RAB38: variants seen among roughly 807,000 people sequenced by gnomAD.
RAB38 encodes ras-related protein Rab-38.
RAB38 carries 15 observed loss-of-function variants against 18.4 expected under a neutral mutation model. The ratio of observed to expected loss-of-function variants is 0.82; its 90% CI spans 0.55 to 1.26. RAB38 has a LOEUF of 1.26. Among genes scored for constraint, RAB38 ranks in the 50% most tolerant of loss-of-function variants. The probability of loss-of-function intolerance (pLI) is 0.00; values close to 1 mark genes in which losing one functional copy is unlikely to be tolerated. For missense variants in RAB38, 294 were observed against 267.4 expected (o/e 1.10, Z -0.69); for synonymous variants, 101 against 104.4 (o/e 0.97, Z 0.20).
the RAB38 span, among the ~76,000 whole-genome samples, chr11:87,917,602 C>A: frequency 7.3e-6 from 1 of 136,992 alleles, no homozygotes; most frequent in African/African-American, 2.7e-5. Flanking sequence ...TCTTAAAATG[C>A]ATGCTGCATT....
At chr11:87,907,518 G>C in the RAB38 span, among the ~76,000 whole-genome samples, 2 of 151,282 alleles carry the variant, frequency 1.3e-5, no homozygotes, top group African/African-American at 4.8e-5. Context: ...GTTGTTTTTA[G>C]TTTTAAAAGT....
At chr11:88,140,287 A>G (rs1942891652) in intron 2 of RAB38, among the ~76,000 whole-genome samples, 1 of 152,170 alleles carries the variant, frequency 6.6e-6, no homozygotes, top group African/African-American at 2.4e-5. Context: ...GAGTTACATA[A>G]TGTGGGGTCC....
chr11:88,147,037 C>A (rs1441308100), intron 2 of RAB38, among the ~76,000 whole-genome samples: 8 of 152,182 alleles, frequency 5.3e-5, no homozygotes, highest in Admixed American at 5.2e-4. Flanking sequence ...CAAGGAACGT[C>A]AGAGTGAGGT....
the RAB38 span, among the ~76,000 whole-genome samples, chr11:88,085,717 T>A: frequency 7.9e-5 from 12 of 151,984 alleles, no homozygotes; most frequent in African/African-American, 2.7e-4. Flanking sequence ...AGACACACAT[T>A]TGTTGATGTG....
At chr11:88,087,993 C>A in the RAB38 span, among the ~76,000 whole-genome samples, 1 of 151,886 alleles carries the variant, frequency 6.6e-6, no homozygotes, top group Non-Finnish European at 1.5e-5. Flanking sequence ...GGTCCATCTT[C>A]CGTAACAGCT....
chr11:88,083,014 T>C, the RAB38 span, among the ~76,000 whole-genome samples: 4 of 151,902 alleles, frequency 2.6e-5, no homozygotes, highest in Non-Finnish European at 4.4e-5. Context: ...TTTAGTAATA[T>C]TGGTCACTTC....
the RAB38 span, among the ~76,000 whole-genome samples, chr11:88,085,796 C>T: frequency 1.3e-5 from 2 of 151,910 alleles, no homozygotes; most frequent in African/African-American, 4.8e-5. Flanking sequence ...ATAAGGCGTA[C>T]AAAGCCTGAA....
the RAB38 span, among the ~76,000 whole-genome samples, chr11:88,075,701 T>G: frequency 6.6e-6 from 1 of 152,116 alleles, no homozygotes; most frequent in Middle Eastern, 3.4e-3. Context: ...GGCAACATGG[T>G]TAAACCCCAG....
the RAB38 span, among the ~76,000 whole-genome samples, chr11:87,967,196 G>T: frequency 2.0e-5 from 3 of 152,236 alleles, no homozygotes; most frequent in Admixed American, 1.3e-4. Flanking sequence ...AGAAGCATTT[G>T]TATCTAAATT....
intron 1 of RAB38, among the ~76,000 whole-genome samples, chr11:88,159,614 A>G (rs1009448998): frequency 1.3e-5 from 2 of 151,998 alleles, no homozygotes; most frequent in African/African-American, 2.4e-5. Context: ...CAGCATGGTA[A>G]TATTACAAAA....
the RAB38 span, among the ~76,000 whole-genome samples, chr11:87,861,617 T>C: frequency 7.2e-5 from 11 of 151,836 alleles, no homozygotes; most frequent in Non-Finnish European, 1.6e-4. Flanking sequence ...TATCTGATTA[T>C]TATAAGAGTG....
chr11:88,126,385 T>A (rs1942695096), intron 2 of RAB38, among the ~76,000 whole-genome samples: 1 of 151,988 alleles, frequency 6.6e-6, no homozygotes, highest in Admixed American at 6.6e-5. Context: ...AAATGATGAG[T>A]TCATGTCCTT....
the RAB38 span, among the ~76,000 whole-genome samples, chr11:87,967,922 G>A: frequency 6.6e-6 from 1 of 152,138 alleles, no homozygotes; most frequent in South Asian, 2.1e-4. Context: ...GGGTGTGTAT[G>A]GGACACTAAC....
At chr11:88,062,363 A>G in the RAB38 span, among the ~76,000 whole-genome samples, 1 of 152,060 alleles carries the variant, frequency 6.6e-6, no homozygotes, top group Non-Finnish European at 1.5e-5. Context: ...CCCTTCCACC[A>G]TGATTCTAAG....
chr11:88,076,984 GAAAGA>G, the RAB38 span, among the ~76,000 whole-genome samples: 5,183 of 63,838 alleles, frequency 0.081, 224 homozygotes, highest in African/African-American at 0.13. Context: ...AAGAAAGAAA[GAAAGA>G]AAAGAAAAGA....
chr11:87,977,569 T>A, the RAB38 span, among the ~76,000 whole-genome samples: 3 of 118,528 alleles, frequency 2.5e-5, no homozygotes, highest in South Asian at 2.5e-4. Context: ...TATAATATAC[T>A]TATGTAACAT....
chr11:88,045,198 T>C, the RAB38 span, among the ~76,000 whole-genome samples: 1 of 152,156 alleles, frequency 6.6e-6, no homozygotes, highest in African/African-American at 2.4e-5. Context: ...TTTTATTTTA[T>C]TACCCAATCT....
chr11:88,082,783 C>T, the RAB38 span, among the ~76,000 whole-genome samples: 1 of 152,024 alleles, frequency 6.6e-6, no homozygotes, highest in South Asian at 2.1e-4. Context: ...TCTAACTGAT[C>T]TTCTGCTTCT....
At chr11:87,804,863 A>G in the RAB38 span, among the ~76,000 whole-genome samples, 13 of 152,312 alleles carry the variant, frequency 8.5e-5, no homozygotes, top group Non-Finnish European at 1.5e-4. Context: ...CATTCCATGT[A>G]AACAAAACTG....
Sources: allele counts gnomAD v4.1 joint callset (sites outside exome capture counted in the v4.1 genomes callset), GRCh38; gene constraint gnomAD v4.1.1; transcripts MANE v1.5; gene names NCBI Gene and HGNC (gene_info 2026-07-23, HGNC 2026-07-21).